The following SUPT3H variants were observed in gnomAD, a reference collection of about 807,000 sequenced individuals.
The protein encoded by SUPT3H is SPT3 homolog, SAGA and STAGA complex component, also known as transcription initiation protein SPT3 homolog.
Under a neutral mutation model 44.3 loss-of-function variants are expected in SUPT3H, and 44 were observed. The ratio of observed to expected loss-of-function variants is 0.99; its 90% confidence interval spans 0.78 to 1.28. SUPT3H has a LOEUF of 1.28. Among genes scored for constraint, SUPT3H ranks in the 50% most tolerant of loss-of-function variants. The pLI, the probability that SUPT3H is intolerant of heterozygous loss-of-function variation, is 0.00. For synonymous variants in SUPT3H, 124 were observed against 125.6 expected, an observed-to-expected ratio of 0.99 and a Z score of 0.09; for missense variants, 380 against 387.1, an observed-to-expected ratio of 0.98 and a Z score of 0.15.
chr6:44,866,883 G>A (rs930984632), intron 10 of SUPT3H, among the ~76,000 whole-genome samples: 2 of 152,256 alleles, frequency 1.3e-5, no homozygotes, highest in East Asian at 1.9e-4. Flanking sequence ...CAAGGGTTGC[G>A]CTTAAGTCAG....
intron 10 of SUPT3H, among the ~76,000 whole-genome samples, chr6:44,918,388 G>A (rs1768138595): frequency 6.6e-6 from 1 of 152,210 alleles, no homozygotes; most frequent in African/African-American, 2.4e-5. Flanking sequence ...GGACTTGTAA[G>A]TAGATGCCAA....
chr6:45,297,159 T>A (rs1007445035), intron 2 of SUPT3H, among the ~76,000 whole-genome samples: 2 of 151,714 alleles, frequency 1.3e-5, no homozygotes, highest in African/African-American at 4.8e-5. Context: ...TCAGACATCA[T>A]GAAGTTTAAC....
chr6:44,965,411 T>G (rs1776635635), intron 6 of SUPT3H, among the ~76,000 whole-genome samples: 1 of 152,204 alleles, frequency 6.6e-6, no homozygotes, highest in Non-Finnish European at 1.5e-5. Context: ...CTAATACTAA[T>G]GTCCTTGAAT....
rs1023045042 is a variant in SUPT3H at position 45,303,646 on chromosome 6, A to T, written c.101+61555T>A. ...TGCTCAGTCCATTCTATTTAATAGA[A>T]TGAGATGTTGCCTGATTCTAGAAGT... On this transcript the variant is annotated intron_variant, in intron 2 of 10. Coordinates refer to ENST00000371459, the MANE Select transcript of SUPT3H (RefSeq NM_003599.4). 2.0e-5 allele frequency among the ~76,000 whole-genome samples: 3 copies of T among 147,400 alleles called. No individual in the cohort carries two copies. In the South Asian group the frequency reaches 6.6e-4, roughly 32 times the overall value.
chr6:44,895,986 A>C (rs988705274), intron 10 of SUPT3H, among the ~76,000 whole-genome samples: 1 of 152,004 alleles, frequency 6.6e-6, no homozygotes, highest in Non-Finnish European at 1.5e-5. Flanking sequence ...TTACTTTTGA[A>C]GGAGGGATTG....
At chr6:45,006,508 C>T (rs116977712) in intron 5 of SUPT3H, among the ~76,000 whole-genome samples, 60 of 152,062 alleles carry the variant, frequency 3.9e-4, no homozygotes, top group East Asian at 3.5e-3. Flanking sequence ...ATGTTTACCT[C>T]GCTCTTTTCT....
chr6:45,007,317 C>T (rs955554692), intron 5 of SUPT3H, among the ~76,000 whole-genome samples: 1 of 152,000 alleles, frequency 6.6e-6, no homozygotes, highest in South Asian at 2.1e-4. Context: ...TTGGATTATT[C>T]TTAGCTCTAT....
chr6:45,146,667 C>T (rs1806128500), intron 2 of SUPT3H, among the ~76,000 whole-genome samples: 1 of 152,128 alleles, frequency 6.6e-6, no homozygotes, highest in Non-Finnish European at 1.5e-5. Context: ...AATATAAATA[C>T]AATCAATGCC....
At chr6:45,357,250 G>T (rs948737997) in intron 2 of SUPT3H, among the ~76,000 whole-genome samples, 1 of 151,998 alleles carries the variant, frequency 6.6e-6, no homozygotes, top group Non-Finnish European at 1.5e-5. Context: ...CTTCTGACCC[G>T]CCCACCTCGG....
chr6:45,340,092 A>T (rs1789440533), intron 2 of SUPT3H, among the ~76,000 whole-genome samples: 1 of 152,296 alleles, frequency 6.6e-6, no homozygotes, highest in South Asian at 2.1e-4. Flanking sequence ...GTTATACATG[A>T]TCTAAATGAA....
intron 11 of SUPT3H, among the ~76,000 whole-genome samples, chr6:44,809,948 G>A (rs544564499): frequency 6.6e-6 from 1 of 152,336 alleles, no homozygotes; most frequent in East Asian, 1.9e-4. Flanking sequence ...GTTACGAATA[G>A]ATATAATTTC....
intron 2 of SUPT3H, among the ~76,000 whole-genome samples, chr6:45,289,174 G>A (rs1779901487): frequency 6.6e-6 from 1 of 151,820 alleles, no homozygotes; most frequent in Non-Finnish European, 1.5e-5. Flanking sequence ...TTTTCTTCAA[G>A]TATTTTTTCA....
chr6:45,281,262 C>T (rs755998139), intron 2 of SUPT3H, among the ~76,000 whole-genome samples: 20 of 152,298 alleles, frequency 1.3e-4, no homozygotes, highest in African/African-American at 3.1e-4. Context: ...GTGGGTGCAG[C>T]GCACCAAGCA....
At chr6:44,957,816 A>C (rs1775432355) in intron 7 of SUPT3H, among the ~76,000 whole-genome samples, 1 of 152,234 alleles carries the variant, frequency 6.6e-6, no homozygotes, top group South Asian at 2.1e-4. Context: ...AGTAGAGTCC[A>C]AACTTTTCTA....
chr6:45,265,231 G>A (rs537222656), intron 2 of SUPT3H, among the ~76,000 whole-genome samples: 38 of 152,126 alleles, frequency 2.5e-4, no homozygotes, highest in African/African-American at 8.4e-4. Flanking sequence ...TAATAAAACC[G>A]TACTAAACAT....
chr6:45,221,232 G>A (rs1482402557), intron 2 of SUPT3H, among the ~76,000 whole-genome samples: 2 of 152,100 alleles, frequency 1.3e-5, no homozygotes, highest in African/African-American at 4.8e-5. Context: ...ATGGGGTGGG[G>A]GCATGCGGGA....
At chr6:45,014,482 C>T (rs1474789062) in intron 5 of SUPT3H, among the ~76,000 whole-genome samples, 2 of 152,182 alleles carry the variant, frequency 1.3e-5, no homozygotes, top group Non-Finnish European at 2.9e-5. Context: ...AAGCAGAGAA[C>T]TGGTATTGAT....
intron 3 of SUPT3H, among the ~76,000 whole-genome samples, chr6:45,070,057 C>T (rs915810191): frequency 2.0e-5 from 3 of 152,244 alleles, no homozygotes; most frequent in South Asian, 2.1e-4. Flanking sequence ...ATATCATGGT[C>T]ATTCCCAAGG....
intron 2 of SUPT3H, among the ~76,000 whole-genome samples, chr6:45,139,588 G>GA (rs1804842389): frequency 6.6e-6 from 1 of 152,122 alleles, no homozygotes; most frequent in African/African-American, 2.4e-5. Context: ...GTGAGAGGGG[G>GA]AAAACCTGCC....
Sources: gnomAD v4.1 joint callset for allele counts (sites outside exome capture counted in the v4.1 genomes callset) on GRCh38, gnomAD v4.1.1 for gene constraint, MANE v1.5 for transcripts, NCBI Gene and HGNC (gene_info 2026-07-23, HGNC 2026-07-21) for gene names.